Variants in INTS6L observed in about 807,000 individuals in gnomAD.
INTS6L encodes integrator complex subunit 6 like.
Under a neutral mutation model 64.7 loss-of-function variants are expected in INTS6L, and 18 were observed. The ratio of observed to expected loss-of-function variants is 0.28; its 90% CI spans 0.19 to 0.41. INTS6L has a LOEUF of 0.41. Among genes scored for constraint, INTS6L ranks in the 10% least tolerant of loss-of-function variants. INTS6L has a pLI of 1.00. For synonymous variants in INTS6L, 227 were observed against 235.9 expected (o/e 0.96, Z 0.34); for missense variants, 533 against 661.0 (o/e 0.81, Z 2.12).
chrX:135,573,146 T>A, intron 12 of INTS6L, 113 bp downstream of exon 12: 1 of 631,396 alleles, frequency 1.6e-6, no homozygotes, highest in Non-Finnish European at 2.4e-6. Context: ...AGTTAGTAGT[T>A]AATAATGGAC....
intron 8 of INTS6L, among the ~76,000 whole-genome samples, chrX:135,554,668 G>T (rs1441485299): frequency 9.1e-6 from 1 of 110,123 alleles, no homozygotes; most frequent in East Asian, 2.9e-4. Flanking sequence ...AAAGGACCAG[G>T]TCTCTAAAAG....
intron 6 of INTS6L, 47 bp from the exon 7 acceptor site, chrX:135,549,595 T>A (rs1556516321): frequency 1.7e-6 from 2 of 1,165,546 alleles, no homozygotes; most frequent in African/African-American, 3.6e-5. Flanking sequence ...GATCAGCAGC[T>A]GTAAAAAGAA....
At chrX:135,530,489 C>T (rs1235439861) in intron 2 of INTS6L, among the ~76,000 whole-genome samples, 1 of 111,908 alleles carries the variant, frequency 8.9e-6, no homozygotes, top group African/African-American at 3.3e-5. Context: ...ACTGATATGC[C>T]GTCTTCACTT....
chrX:135,572,790 A>T (rs782139524), intron 11 of INTS6L, 25 bp from the exon 12 acceptor site: 4 of 1,162,156 alleles, frequency 3.4e-6, no homozygotes, highest in Non-Finnish European at 4.7e-6. Flanking sequence ...ATGTTTTTAT[A>T]ACATACTATG....
At chrX:135,563,629 G>A (rs868957096) in intron 9 of INTS6L, among the ~76,000 whole-genome samples, 13 of 2,804 alleles carry the variant, frequency 4.6e-3, no homozygotes, top group African/African-American at 5.4e-3. Flanking sequence ...ATGTGTGTGT[G>A]TGTGTATATA....
rs1556515093 is a variant in INTS6L at position 135,546,469 on chromosome X, G to A, written c.429G>A (p.Glu143=). ...KLTSTAGVQE[E]LHLPLNSPLP... ...CAAGTACTGCTGGTGTTCAAGAAGA[G>A]GTGAGATTTTATTTTTTTTTTAATT... Residue 143 remains glutamate (E), a splice_region_variant and synonymous_variant, in exon 4 of 18, where the codon GAG becomes GAA. Coordinates refer to ENST00000639893, the MANE Select transcript of INTS6L (RefSeq NM_001351601.3). The A allele has an allele frequency of 8.6e-7, 1 of 1,158,511 alleles. No individual in the cohort carries two copies.
intron 15 of INTS6L, among the ~76,000 whole-genome samples, chrX:135,578,883 C>T (rs1333549896): frequency 3.6e-5 from 4 of 111,424 alleles, no homozygotes; most frequent in Non-Finnish European, 7.5e-5. Flanking sequence ...TATATCACAT[C>T]ATGCCATGTC....
chrX:135,565,680 A>C (rs782424926), intron 9 of INTS6L, among the ~76,000 whole-genome samples: 1 of 111,727 alleles, frequency 9.0e-6, no homozygotes. Flanking sequence ...GGATGTTTCA[A>C]GAGTGTCTTC....
chrX:135,568,286 T>C (rs1178186066), intron 9 of INTS6L, among the ~76,000 whole-genome samples: 27 of 111,568 alleles, frequency 2.4e-4, no homozygotes, highest in Non-Finnish European at 5.1e-4. Flanking sequence ...TCTACTTAGG[T>C]AAATATTTTT....
intron 11 of INTS6L, 27 bp from the exon 12 acceptor site, chrX:135,572,788 A>G: frequency 8.6e-7 from 1 of 1,158,554 alleles, no homozygotes; most frequent in South Asian, 1.9e-5. Context: ...AGATGTTTTT[A>G]TAACATACTA....
chrX:135,562,620 TTGTCTG>T (rs1454385417), intron 9 of INTS6L, among the ~76,000 whole-genome samples: 2 of 112,086 alleles, frequency 1.8e-5, no homozygotes, highest in East Asian at 5.6e-4. Context: ...AATTGTGGAT[TTGTCTG>T]TTTCTTTTTC....
At position 135,581,728 on chromosome X, in the gene INTS6L, G is replaced by A. The variant is rs1209957404; in HGVS notation, c.*92G>A. 3.1e-5 allele frequency: 23 copies of A among 735,844 alleles called. No individual in the cohort carries two copies. Among genetic ancestry groups the A allele is most frequent in the Non-Finnish European group, 4.6e-5 (23 of 497,808 alleles). The allele number at this position is 735,844 out of a possible 1,213,427, so 60.6% of individuals were successfully genotyped here. ...AGCCTCCTGGAATGTTTGAGTCAAG[G>A]GAATTGCTTTCCAGATGCTAAGAAG... On this transcript the variant is annotated 3_prime_UTR_variant, in exon 18 of 18. Transcript: ENST00000639893.
chrX:135,547,427 C>CT (rs782603921), intron 6 of INTS6L, among the ~76,000 whole-genome samples, 162 bp downstream of exon 6: 9 of 112,079 alleles, frequency 8.0e-5, no homozygotes, highest in African/African-American at 2.9e-4. Context: ...GTATATGTAT[C>CT]AGGTGGCCAA....
chrX:135,577,626 G>A (rs1301838879), intron 15 of INTS6L, among the ~76,000 whole-genome samples, 199 bp downstream of exon 15: 1 of 111,620 alleles, frequency 9.0e-6, no homozygotes, highest in African/African-American at 3.3e-5. Context: ...ATCTACATGA[G>A]GTGAAAAAAA....
chrX:135,564,388 A>G (rs1200537848), intron 9 of INTS6L, among the ~76,000 whole-genome samples: 1 of 111,142 alleles, frequency 9.0e-6, no homozygotes, highest in African/African-American at 3.3e-5. Flanking sequence ...GGATATTTTT[A>G]ACATCTCTAT....
At chrX:135,568,500 G>T (rs1234692585) in intron 9 of INTS6L, among the ~76,000 whole-genome samples, 3 of 110,450 alleles carry the variant, frequency 2.7e-5, no homozygotes, top group Admixed American at 9.6e-5. Context: ...GGGAAATATG[G>T]CTAAACAAAG....
intron 6 of INTS6L, among the ~76,000 whole-genome samples, chrX:135,548,624 T>C (rs1291930952): frequency 9.0e-6 from 1 of 111,245 alleles, no homozygotes; most frequent in Non-Finnish European, 1.9e-5. Context: ...TTAAGAACCC[T>C]TTCCTCAGAA....
At chrX:135,541,682 G>C (rs1364807625) in intron 2 of INTS6L, among the ~76,000 whole-genome samples, 2 of 112,551 alleles carry the variant, frequency 1.8e-5, no homozygotes, top group Non-Finnish European at 3.8e-5. Flanking sequence ...CCAATGTGAA[G>C]TGTGAAAGTG....
At chrX:135,572,757 T>C in intron 11 of INTS6L, 58 bp from the exon 12 acceptor site, 1 of 1,006,712 alleles carries the variant, frequency 9.9e-7, no homozygotes, top group South Asian at 2.2e-5. Flanking sequence ...TCTTAAGTAG[T>C]AAAAATGACA....
Sources: allele counts gnomAD v4.1 joint callset (sites outside exome capture counted in the v4.1 genomes callset), GRCh38; gene constraint gnomAD v4.1.1; transcripts MANE v1.5; gene names NCBI Gene and HGNC (gene_info 2026-07-23, HGNC 2026-07-21).